TAOK2: variants seen among roughly 807,000 people sequenced by gnomAD.
TAOK2 encodes serine/threonine-protein kinase TAO2.
A neutral mutation model predicts 122.5 loss-of-function variants in TAOK2; 42 were observed. The ratio of observed to expected loss-of-function variants is 0.34; its 90% CI spans 0.27 to 0.44. TAOK2 has a LOEUF of 0.44. Among genes scored for constraint, TAOK2 ranks in the 20% least tolerant of loss-of-function variants. The pLI is 1.00. For synonymous variants in TAOK2, 704 were observed against 677.6 expected (o/e 1.04, Z -0.61); for missense variants, 1,264 against 1,644.9 (o/e 0.77, Z 4.01).
At position 29,987,924 on chromosome 16, in the gene TAOK2, C is replaced by T. The variant is rs1250871499; in HGVS notation, c.3652C>T (p.Leu1218=). The part of the protein sequence containing the change: ...PASRQPLPGT[L]AGRRSRTRQS... Reference sequence around the variant, plus strand: ...CTCCCGCCAGCCACTGCCAGGGACTCTAGCCGGGCGGAGGTCACGCACCCG... The same window carrying T: ...CTCCCGCCAGCCACTGCCAGGGACTTTAGCCGGGCGGAGGTCACGCACCCG... The change falls in exon 16 of 16, where the codon CTA becomes TTA. Residue 1218 remains leucine (L), a synonymous_variant. Coordinates refer to ENST00000308893, the MANE Select transcript of TAOK2 (RefSeq NM_016151.4). 1.9e-6 allele frequency: 3 copies of T among 1,557,282 alleles called. No homozygotes were observed. The South Asian group carries it at 3.6e-5, about 19-fold the overall frequency.
chr16:29,978,039 A>G (rs778514962), intron 2 of TAOK2, 50 bp from the exon 3 acceptor site: 32 of 1,612,922 alleles, frequency 2.0e-5, no homozygotes, highest in Non-Finnish European at 2.5e-5. Context: ...AAGTCTTCCC[A>G]TGCCCGGCTC....
Position 29,978,093 on chromosome 16 carries a change from G to A in TAOK2, c.137G>A (p.Arg46Gln). Residue 46 changes from arginine to glutamine, a missense_variant, in exon 3 of 16, where the codon CGG becomes CAG. Arg to Gln is a conservative substitution (Grantham distance 43). Around this residue, in one of 4 missense-constraint regions of TAOK2, gnomAD observed 254 missense variants for 503.8 expected, o/e 0.50. Transcript: ENST00000308893. ...HGSFGAVYFA[R>Q]DVRNSEVVAI... ...CCTTCTGGTCTGGTCCTCTAGGCCC[G>A]GGATGTCCGGAATAGTGAGGTGGTG... 3 of 1,614,114 alleles carry A rather than the reference G, an allele frequency of 1.9e-6. No individual in the cohort carries two copies. The highest frequency in any genetic ancestry group is 1.7e-4 in the Middle Eastern group (1 of 6,060).
chr16:29,987,235 C>T lies in TAOK2; in HGVS notation c.2963C>T (p.Ala988Val), dbSNP rs201030524. ...AAQGGGGLQA[A>V]LLALEVGLVG... ...CAGGGTGGGGGTGGCCTGCAGGCAG[C>T]GCTGCTGGCCCTTGAGGTGGGGCTG... is the stretch of plus-strand genomic sequence containing the variant. Residue 988 changes from alanine (A) to valine (V), a missense_variant, in exon 16 of 16, where the codon GCG (alanine) becomes GTG (valine). Transcript: ENST00000308893. The T allele has an allele frequency of 1.2e-4, 181 of 1,537,200 alleles. 1 individual carries two copies. Among genetic ancestry groups the T allele is most frequent in the Non-Finnish European group, 1.5e-4 (172 of 1,147,812 alleles).
chr16:29,988,248 G>A lies in TAOK2; in HGVS notation c.*268G>A. On this transcript the variant is annotated 3_prime_UTR_variant, in exon 16 of 16. Coordinates refer to ENST00000308893, the MANE Select transcript of TAOK2 (RefSeq NM_016151.4). ...CTCATCCTCACCCTCATTGACTCAG[G>A]CCTGGGGCCAGGGGTGGTGGAGGGT... 6.8e-7 allele frequency: 1 copy of A among 1,462,252 alleles called. No individual in the cohort carries two copies. The highest frequency in any genetic ancestry group is 9.0e-7 in the Non-Finnish European group (1 of 1,112,992). The allele number at this position is 1,462,252 out of a possible 1,614,324, so 90.6% of individuals were successfully genotyped here. A position where few individuals can be genotyped will look rare whatever the true frequency, so the allele number is the denominator to read the frequency against.
chr16:29,991,206 C>A, downstream of TAOK2: 1 of 1,610,608 alleles, frequency 6.2e-7, no homozygotes. This position sits in a 1 kb window ranked among gnomAD's most constrained non-coding sequence, Gnocchi z 5.6. Context: ...AGCTGCTGCC[C>A]AGGGCTATCC....
chr16:29,975,940 C>T (rs181101345), intron 1 of TAOK2, among the ~76,000 whole-genome samples: 4 of 152,252 alleles, frequency 2.6e-5, no homozygotes, highest in Admixed American at 2.0e-4. Context: ...ACATTGCAGA[C>T]GGGATGTACT....
chr16:29,979,284 A>T lies in TAOK2; in HGVS notation c.539A>T (p.Asn180Ile). 1 of 1,613,632 alleles carries T rather than the reference A, an allele frequency of 6.2e-7. No homozygotes were observed. ...FGSASIMAPANSFVGTPYWMA... is the reference protein window; with the variant it reads ...FGSASIMAPAISFVGTPYWMA... The stretch of plus-strand genomic sequence containing the variant: ...TCTGCGTCCATCATGGCACCTGCCA[A>T]CTCCTTCGTGGGCACCCCATACTGG... Residue 180 changes from asparagine to isoleucine, a missense_variant, in exon 7 of 16, where the codon AAC becomes ATC. By Grantham distance (149) the Asn-to-Ile change is moderately radical. This residue lies in a region of TAOK2 where 254 missense variants were observed against 503.8 expected (regional missense o/e 0.50). Coordinates refer to ENST00000308893, the MANE Select transcript of TAOK2 (RefSeq NM_016151.4). This position sits in a 1 kb window ranked among gnomAD's most constrained non-coding sequence, Gnocchi z 4.1.
In TAOK2 at chr16:29,986,336, G is replaced by A; in HGVS notation, c.2064G>A (p.Arg688=). Residue 688 remains arginine, a synonymous_variant, in exon 16 of 16, where the codon CGG becomes CGA. Coordinates refer to ENST00000308893, the MANE Select transcript of TAOK2 (RefSeq NM_016151.4). The surrounding 1 kb of genome is among the most constrained non-coding windows in gnomAD (Gnocchi z 4.2). ...TGCTTCGGCAGCACGAGGCCACGCG[G>A]GAGCTGGAGCTGCGGCAGCTCCAGG... ...ALLLRQHEAT[R]ELELRQLQAV... is the part of the protein sequence containing the mutation. The A allele has an allele frequency of 6.3e-7, 1 of 1,577,822 alleles. No homozygotes were observed. Among genetic ancestry groups the A allele is most frequent in the Non-Finnish European group, 8.6e-7 (1 of 1,159,800 alleles).
rs780433645 is a variant in TAOK2, at chr16:29,983,493, C to T, written c.1261-10C>T. ...TCTGAGCCTTGGGTGTTCCTTCTAT[C>T]TCCCTCTAGGGCTCTGACAACCTAT... is the stretch of plus-strand genomic sequence containing the variant. On this transcript the variant is annotated splice_polypyrimidine_tract_variant and intron_variant, in intron 12 of 15. Transcript: ENST00000308893. The T allele has an allele frequency of 1.3e-6, 2 of 1,599,298 alleles. No individual in the cohort carries two copies. Among genetic ancestry groups the T allele is most frequent in the African/African-American group, 2.7e-5 (2 of 74,568 alleles).
chr16:29,991,122 G>T, downstream of TAOK2: 1 of 1,606,330 alleles, frequency 6.2e-7, no homozygotes, highest in Middle Eastern at 1.7e-4. The surrounding 1 kb of genome is among the most constrained non-coding windows in gnomAD (Gnocchi z 5.6). Flanking sequence ...GCAGGCCCGT[G>T]AGATCGAGGC....
In TAOK2 at chr16:29,987,809, A is replaced by C. The variant is rs754677453; in HGVS notation, c.3537A>C (p.Thr1179=). Residue 1179 remains threonine, a synonymous_variant, in exon 16 of 16, where the codon ACA becomes ACC. Coordinates refer to ENST00000308893, the MANE Select transcript of TAOK2 (RefSeq NM_016151.4). ...ASHLPPWAIH[T]LASWGLLRGE... is the part of the protein sequence containing the mutation. The stretch of plus-strand genomic sequence containing the variant: ...ACTTGCCCCCGTGGGCCATCCACAC[A>C]CTGGCCAGCTGGGGCCTGCTTCGGG... 1.2e-6 allele frequency: 2 copies of C among 1,613,486 alleles called. No homozygotes were observed. Among genetic ancestry groups the C allele is most frequent in the East Asian group, 4.5e-5 (2 of 44,868 alleles).
chr16:29,977,921 G>A lies in TAOK2; in HGVS notation c.132+17G>A. ...GTATACTTTGTGAGTTGGGTCTTGG[G>A]AGGGTGTAATAGGGATGGGGACTCT... On this transcript the variant is annotated intron_variant, in intron 2 of 15. Coordinates refer to ENST00000308893, the MANE Select transcript of TAOK2 (RefSeq NM_016151.4). The A allele has an allele frequency of 6.2e-7, 1 of 1,614,122 alleles. No homozygotes were observed. The highest frequency in any genetic ancestry group is 8.5e-7 in the Non-Finnish European group (1 of 1,180,006).
rs769166765 is a variant in TAOK2, at chr16:29,987,769, A to G, written c.3497A>G (p.Gln1166Arg). Residue 1166 changes from glutamine (Q) to arginine (R), a missense_variant, in exon 16 of 16, where the codon CAG becomes CGG. Physicochemically the swap from Gln to Arg is conservative, Grantham distance 43. Transcript: ENST00000308893. ...AACTGGCGTCTGGCACGGGCCAGCC[A>G]GGGTTTAGCATCCCACTTGCCCCCG... ...GWNWRLARAS[Q>R]GLASHLPPWA... is the part of the protein sequence containing the mutation. 2.5e-6 allele frequency: 4 copies of G among 1,613,986 alleles called. No homozygotes were observed. In the South Asian group the frequency reaches 4.4e-5, roughly 18 times the overall value.
chr16:29,988,458 C>G, downstream of TAOK2: 1 of 1,237,020 alleles, frequency 8.1e-7, no homozygotes, highest in Non-Finnish European at 1.0e-6. Flanking sequence ...CCGGTATGCC[C>G]CCAGGCTGAC....
chr16:29,986,778 G>A lies in TAOK2; in HGVS notation c.2506G>A (p.Asp836Asn), dbSNP rs745515041. Residue 836 changes from aspartate to asparagine, a missense_variant, in exon 16 of 16, where the codon GAT (aspartate) becomes AAT (asparagine). Around this residue, in one of 4 missense-constraint regions of TAOK2, gnomAD observed 824 missense variants for 908.7 expected, o/e 0.91. Coordinates refer to ENST00000308893, the MANE Select transcript of TAOK2 (RefSeq NM_016151.4). This position sits in a 1 kb window ranked among gnomAD's most constrained non-coding sequence, Gnocchi z 4.2. ...PSPQKHGSLV[D>N]EEVWGLPEEI... ...TCCACAAAAACATGGGAGCCTGGTT[G>A]ATGAGGAAGTTTGGGGTCTGCCTGA... The A allele has an allele frequency of 1.4e-5, 22 of 1,613,696 alleles. No homozygotes were observed. Among genetic ancestry groups the A allele is most frequent in the Middle Eastern group, 3.3e-4 (2 of 6,080 alleles).
In TAOK2 at chr16:29,987,254, G is replaced by A; in HGVS notation, c.2982G>A (p.Val994=). The change falls in exon 16 of 16, where the codon GTG becomes GTA. Residue 994 remains valine, a synonymous_variant. Transcript: ENST00000308893. ...GLQAALLALE[V]GLVGLGASYL... ...AGGCAGCGCTGCTGGCCCTTGAGGTGGGGCTGGTGGGTCTGGGGGCCTCCT... is the reference window on the plus strand; with the variant it reads ...AGGCAGCGCTGCTGGCCCTTGAGGTAGGGCTGGTGGGTCTGGGGGCCTCCT... 1 of 1,530,522 alleles carries A rather than the reference G, an allele frequency of 6.5e-7. No homozygotes were observed. Among genetic ancestry groups the A allele is most frequent in the Non-Finnish European group, 8.7e-7 (1 of 1,143,980 alleles). 94.8% of individuals were successfully genotyped at this position (1,530,522 alleles called of 1,614,324 possible).
rs774552364 is a variant in TAOK2, at chr16:29,979,297, C to T, written c.552C>T (p.Gly184=). ...SIMAPANSFV[G]TPYWMAPEVI... ...TGGCACCTGCCAACTCCTTCGTGGG[C>T]ACCCCATACTGGTGAGTGAGTGAGT... The change falls in exon 7 of 16, where the codon GGC becomes GGT. Residue 184 remains glycine, a synonymous_variant. Transcript: ENST00000308893. The surrounding 1 kb of genome is among the most constrained non-coding windows in gnomAD (Gnocchi z 4.1). 6.2e-6 allele frequency: 10 copies of T among 1,614,028 alleles called. No individual in the cohort carries two copies. The highest frequency in any genetic ancestry group is 1.3e-5 in the African/African-American group (1 of 74,906).
chr16:29,987,835 G>A lies in TAOK2; in HGVS notation c.3563G>A (p.Gly1188Asp). 3 of 1,612,442 alleles carry A rather than the reference G, an allele frequency of 1.9e-6. No individual in the cohort carries two copies. Among genetic ancestry groups the A allele is most frequent in the Middle Eastern group, 1.7e-4 (1 of 6,060 alleles). Reference sequence around the variant, plus strand: ...CTGGCCAGCTGGGGCCTGCTTCGGGGTGAACGGCCCACCCGAATCCCCCGG... The same window carrying A: ...CTGGCCAGCTGGGGCCTGCTTCGGGATGAACGGCCCACCCGAATCCCCCGG... ...HTLASWGLLRGERPTRIPRLL... is the reference protein window; with the variant it reads ...HTLASWGLLRDERPTRIPRLL... The change falls in exon 16 of 16, where the codon GGT becomes GAT. Residue 1188 changes from glycine (G) to aspartate (D), a missense_variant. Physicochemically the swap from Gly to Asp is moderately conservative, Grantham distance 94. Transcript: ENST00000308893.
Position 29,987,041 on chromosome 16 carries a change from C to T in TAOK2, c.2769C>T (p.Ser923=), listed in dbSNP as rs771327323. Residue 923 remains serine (S), a synonymous_variant, in exon 16 of 16, where the codon TCC becomes TCT. Transcript: ENST00000308893. ...TPRDPGDGCP[S]PDIPPEPPPT... is the part of the protein sequence containing the mutation. ...GGGATCCTGGAGATGGTTGTCCTTC[C>T]CCCGACATCCCTCCTGAACCCCCTC... 2.5e-6 allele frequency: 4 copies of T among 1,612,148 alleles called. No homozygotes were observed. The highest frequency in any genetic ancestry group is 3.4e-6 in the Non-Finnish European group (4 of 1,178,838).
Sources: allele counts gnomAD v4.1 joint callset (sites outside exome capture counted in the v4.1 genomes callset), GRCh38; gene constraint gnomAD v4.1.1; regional missense constraint gnomAD v4.1.1; non-coding constraint Gnocchi (gnomAD v3.1); transcripts MANE v1.5; gene names NCBI Gene and HGNC (gene_info 2026-07-23, HGNC 2026-07-21).